The following CORO2B variants were observed in gnomAD, a reference collection of about 807,000 sequenced individuals.
CORO2B encodes the protein coronin 2B.
In CORO2B, 26 loss-of-function variants were observed where a neutral mutation model predicts 58.8. That is an observed-to-expected ratio of 0.44 (90% CI 0.32 to 0.61). The LOEUF is 0.61. Ranked by LOEUF, CORO2B falls within the 20% of genes least tolerant of loss-of-function variation. The pLI, the probability that CORO2B is intolerant of heterozygous loss-of-function variation, is 0.04. For synonymous variants in CORO2B, 242 were observed against 253.8 expected (o/e 0.95, Z 0.44); for missense variants, 460 against 645.1 (o/e 0.71, Z 3.11).
the CORO2B span, among the ~76,000 whole-genome samples, chr15:68,558,342 G>A: frequency 6.6e-6 from 1 of 152,056 alleles, no homozygotes; most frequent in Non-Finnish European, 1.5e-5. Flanking sequence ...GGTGGGGTTG[G>A]AGAGGAGAGC....
intron 1 of CORO2B, among the ~76,000 whole-genome samples, chr15:68,583,051 C>T (rs1285589815): frequency 1.3e-5 from 2 of 152,122 alleles, no homozygotes; most frequent in African/African-American, 2.4e-5. Context: ...ATTGTAGGTC[C>T]GTGGGCAGCA....
rs1893295073 is a variant in CORO2B, at chr15:68,726,187, G to A, written c.*213G>A. Reference sequence around the variant, plus strand: ...CCCAGCTTCTGGAGACCCCCTGCCGGCAGCCCCTTTCCCTGCCACCCCAGG... The same window carrying A: ...CCCAGCTTCTGGAGACCCCCTGCCGACAGCCCCTTTCCCTGCCACCCCAGG... On this transcript the variant is annotated 3_prime_UTR_variant, in exon 12 of 12. Transcript: ENST00000261861. 3.5e-6 allele frequency: 2 copies of A among 573,174 alleles called. No homozygotes were observed. Among genetic ancestry groups the A allele is most frequent in the African/African-American group, 1.9e-5 (1 of 51,312 alleles). 35.5% of individuals were successfully genotyped at this position (573,174 alleles called of 1,614,324 possible).
At chr15:68,549,303 A>G in the CORO2B span, among the ~76,000 whole-genome samples, 2 of 152,146 alleles carry the variant, frequency 1.3e-5, no homozygotes, top group Non-Finnish European at 2.9e-5. Flanking sequence ...TTGCTTTAGC[A>G]CTTTTCAATT....
At chr15:68,611,638 T>A (rs754834022) in intron 1 of CORO2B, among the ~76,000 whole-genome samples, 11 of 152,228 alleles carry the variant, frequency 7.2e-5, no homozygotes, top group Non-Finnish European at 1.6e-4. Flanking sequence ...ATTGATTGAA[T>A]TAGATTTATT....
rs141754053 is a variant in CORO2B, at chr15:68,612,105, A to T, written c.15+32828A>T. ...TACTTTCAAGAAGCATCCCTGAACG[A>T]GAAATGTGTCCACACTGCTCATTGT... On this transcript the variant is annotated intron_variant, in intron 1 of 11. Coordinates refer to ENST00000261861, the MANE Select transcript of CORO2B (RefSeq NM_006091.5). 8.8e-4 allele frequency among the ~76,000 whole-genome samples: 134 copies of T among 152,332 alleles called. 1 individual carries two copies. The South Asian group carries it at 0.013, about 15-fold the overall frequency.
At chr15:68,721,106 TCCTGA>T (rs1275727659) in intron 11 of CORO2B, among the ~76,000 whole-genome samples, 1 of 151,972 alleles carries the variant, frequency 6.6e-6, no homozygotes, top group Non-Finnish European at 1.5e-5. Flanking sequence ...GGTCTTGAAC[TCCTGA>T]CCTTAGGTGA....
intron 2 of CORO2B, among the ~76,000 whole-genome samples, chr15:68,680,394 G>A (rs1003684811): frequency 6.6e-6 from 1 of 152,192 alleles, no homozygotes; most frequent in African/African-American, 2.4e-5. Context: ...AAACACCCGT[G>A]AAATAAAGCA....
the CORO2B span, among the ~76,000 whole-genome samples, chr15:68,558,704 G>C: frequency 6.6e-6 from 1 of 152,130 alleles, no homozygotes; most frequent in African/African-American, 2.4e-5. Flanking sequence ...GACAGATGTG[G>C]TCTGCGATAT....
the CORO2B span, among the ~76,000 whole-genome samples, chr15:68,534,887 A>G: frequency 2.0e-5 from 3 of 152,208 alleles, no homozygotes; most frequent in Non-Finnish European, 4.4e-5. Context: ...GACAAAAGAG[A>G]GAATGAGAAC....
chr15:68,650,187 G>A (rs962385688), intron 2 of CORO2B, among the ~76,000 whole-genome samples: 17 of 151,994 alleles, frequency 1.1e-4, no homozygotes, highest in Admixed American at 1.0e-3. Context: ...TGACCAACAT[G>A]GAGAAACCCC....
chr15:68,537,883 A>G, the CORO2B span, among the ~76,000 whole-genome samples: 2 of 152,238 alleles, frequency 1.3e-5, no homozygotes, highest in Non-Finnish European at 2.9e-5. Flanking sequence ...GGTCTTGTAC[A>G]GAAAAAGTTT....
At chr15:68,596,202 C>T (rs1169466233) in intron 1 of CORO2B, among the ~76,000 whole-genome samples, 3 of 152,122 alleles carry the variant, frequency 2.0e-5, no homozygotes, top group East Asian at 3.9e-4. Flanking sequence ...ATGCACTGTG[C>T]CCGTGACCCT....
chr15:68,680,779 A>T (rs1902754612), intron 2 of CORO2B, among the ~76,000 whole-genome samples: 2 of 152,158 alleles, frequency 1.3e-5, no homozygotes, highest in Non-Finnish European at 2.9e-5. Flanking sequence ...TGCAAAATGG[A>T]CACAATGACC....
At chr15:68,708,244 TGAG>T (rs1437939087) in intron 3 of CORO2B, among the ~76,000 whole-genome samples, 1 of 151,968 alleles carries the variant, frequency 6.6e-6, no homozygotes, top group Non-Finnish European at 1.5e-5. Context: ...TCTTATAGTA[TGAG>T]GAGGAGGCAC....
chr15:68,592,058 G>C (rs1250571829), intron 1 of CORO2B, among the ~76,000 whole-genome samples: 1 of 152,104 alleles, frequency 6.6e-6, no homozygotes, highest in South Asian at 2.1e-4. Context: ...CTTGGGCCCT[G>C]TTTTACCCTC....
At chr15:68,691,882 C>T (rs1337078578) in intron 2 of CORO2B, among the ~76,000 whole-genome samples, 1 of 152,116 alleles carries the variant, frequency 6.6e-6, no homozygotes, top group African/African-American at 2.4e-5. Context: ...TGGTTCGGTG[C>T]CTTTCAGATT....
chr15:68,580,521 G>A (rs1419625721), intron 1 of CORO2B, among the ~76,000 whole-genome samples: 1 of 152,120 alleles, frequency 6.6e-6, no homozygotes, highest in African/African-American at 2.4e-5. Flanking sequence ...CGGATTCTTG[G>A]GCCCAACTCC....
chr15:68,544,479 T>C, the CORO2B span, among the ~76,000 whole-genome samples: 1 of 152,188 alleles, frequency 6.6e-6, no homozygotes. Flanking sequence ...TTGAATACCA[T>C]GTGATGGTAT....
chr15:68,545,590 C>A, the CORO2B span, among the ~76,000 whole-genome samples: 3 of 138,902 alleles, frequency 2.2e-5, no homozygotes, highest in East Asian at 4.8e-4. Context: ...TACACCCCTG[C>A]CTGCAACAGG....
Sources: allele counts gnomAD v4.1 joint callset (sites outside exome capture counted in the v4.1 genomes callset), GRCh38; gene constraint gnomAD v4.1.1; transcripts MANE v1.5; gene names NCBI Gene and HGNC (gene_info 2026-07-23, HGNC 2026-07-21).